The following ADGRL3 variants were observed in gnomAD, a reference collection of about 807,000 sequenced individuals.
ADGRL3 encodes adhesion G protein-coupled receptor L3, also known as calcium-independent alpha-latrotoxin receptor 3.
ADGRL3 carries 62 observed loss-of-function variants against 153.5 expected under a neutral mutation model. The ratio of observed to expected loss-of-function variants is 0.40; its 90% CI spans 0.33 to 0.50. ADGRL3 has a LOEUF of 0.50. Ranked by LOEUF, ADGRL3 falls within the 20% of genes least tolerant of loss-of-function variation. The probability of loss-of-function intolerance (pLI) is 0.47; values close to 1 mark genes in which losing one functional copy is unlikely to be tolerated. For synonymous variants in ADGRL3, 710 were observed against 672.5 expected (o/e 1.06, Z -0.86); for missense variants, 1,641 against 1,859.4 (o/e 0.88, Z 2.16).
At chr4:61,514,534 C>T (rs968013228) in intron 3 of ADGRL3, among the ~76,000 whole-genome samples, 52 of 152,110 alleles carry the variant, frequency 3.4e-4, no homozygotes, top group African/African-American at 1.3e-3. Context: ...CAAAAGTTGA[C>T]ATTTTGGCTC....
intron 9 of ADGRL3, among the ~76,000 whole-genome samples, chr4:61,889,300 G>A (rs999258524): frequency 6.6e-6 from 1 of 152,232 alleles, no homozygotes; most frequent in Non-Finnish European, 1.5e-5. Flanking sequence ...ACACATTGCA[G>A]GATGTGCAAA....
chr4:61,536,030 G>A (rs2098653785), intron 4 of ADGRL3, among the ~76,000 whole-genome samples: 1 of 151,968 alleles, frequency 6.6e-6, no homozygotes, highest in South Asian at 2.1e-4. Flanking sequence ...TAGGCAATTA[G>A]CACTATAAAC....
Position 61,676,869 on chromosome 4 carries a change from G to GTTT in ADGRL3, c.520_522dup (p.Phe174dup). 6.2e-7 allele frequency: 1 copy of GTTT among 1,612,240 alleles called. No individual in the cohort carries two copies. Among genetic ancestry groups the GTTT allele is most frequent in the Non-Finnish European group, 8.5e-7 (1 of 1,178,680 alleles). On this transcript the variant is annotated inframe_insertion, in exon 6 of 27. Coordinates refer to ENST00000683033, the MANE Select transcript of ADGRL3 (RefSeq NM_001387552.1). Reference sequence around the variant, plus strand: ...GTGTGCAGTGGTGGCAGGTCCTGATGTTTTTCCAGACCCGTGTCCAGGAAC... The same window carrying GTTT: ...GTGTGCAGTGGTGGCAGGTCCTGATGTTTTTTTTCCAGACCCGTGTCCAGGAAC...
intron 4 of ADGRL3, among the ~76,000 whole-genome samples, chr4:61,549,865 T>C (rs1035140273): frequency 4.6e-5 from 7 of 152,110 alleles, no homozygotes; most frequent in Admixed American, 6.6e-5. Context: ...AGGGATAAGA[T>C]TTTTCTTTCA....
At chr4:61,539,343 C>A (rs1389902832) in intron 4 of ADGRL3, among the ~76,000 whole-genome samples, 5 of 152,200 alleles carry the variant, frequency 3.3e-5, no homozygotes, top group African/African-American at 1.2e-4. Flanking sequence ...GCCTTCTCTC[C>A]ACGCCTATTC....
At chr4:61,890,922 T>C (rs2098577208) in intron 9 of ADGRL3, among the ~76,000 whole-genome samples, 1 of 152,170 alleles carries the variant, frequency 6.6e-6, no homozygotes, top group Non-Finnish European at 1.5e-5. Context: ...TAATGTTTTC[T>C]TTTTAAAACA....
chr4:61,359,826 A>G (rs2096254666), intron 1 of ADGRL3, among the ~76,000 whole-genome samples: 1 of 152,216 alleles, frequency 6.6e-6, no homozygotes, highest in Non-Finnish European at 1.5e-5. Flanking sequence ...ACATGGAAAC[A>G]GCTCAATACA....
Position 61,587,050 on chromosome 4 carries a change from A to G in ADGRL3, c.260-177A>G, listed in dbSNP as rs191162541. 4.7e-3 allele frequency among the ~76,000 whole-genome samples: 717 copies of G among 152,252 alleles called. 6 individuals are homozygous for G. The highest frequency in any genetic ancestry group is 7.3e-3 in the Admixed American group (111 of 15,266). On this transcript the variant is annotated intron_variant, in intron 4 of 26. Transcript: ENST00000683033. ...ATAACTGTTTCTGTTAGATTAGAAGAAAAATATTTATAAAGTTACTGAAGA... is the reference window on the plus strand; with the variant it reads ...ATAACTGTTTCTGTTAGATTAGAAGGAAAATATTTATAAAGTTACTGAAGA...
At chr4:61,603,717 A>AGT (rs1553977286) in intron 5 of ADGRL3, among the ~76,000 whole-genome samples, 3 of 146,182 alleles carry the variant, frequency 2.1e-5, no homozygotes, top group South Asian at 4.2e-4. Context: ...CATCCCTCTT[A>AGT]GTGTGTGTGT....
chr4:61,909,711 G>T lies in ADGRL3; in HGVS notation c.2039G>T (p.Gly680Val). The T allele has an allele frequency of 6.3e-7, 1 of 1,575,690 alleles. No homozygotes were observed. Among genetic ancestry groups the T allele is most frequent in the South Asian group, 1.2e-5 (1 of 86,114 alleles). ...GTACAGCTTCGGAACTTGACCCCAG[G>T]TGGAAAAGATAGTGCTGCCCGGAGT... ...LDVQLRNLTP[G>V]GKDSAARSLN... Residue 680 changes from glycine to valine, a missense_variant, in exon 12 of 27, where the codon GGT becomes GTT. Around this residue, in one of 5 missense-constraint regions of ADGRL3, gnomAD observed 734 missense variants for 797.0 expected, o/e 0.92. Coordinates refer to ENST00000683033, the MANE Select transcript of ADGRL3 (RefSeq NM_001387552.1).
intron 1 of ADGRL3, among the ~76,000 whole-genome samples, chr4:61,367,011 T>C (rs974953277): frequency 6.6e-6 from 1 of 152,186 alleles, no homozygotes; most frequent in African/African-American, 2.4e-5. Flanking sequence ...AAAATGATTG[T>C]AAACAATGTT....
chr4:61,936,844 G>A (rs1480271544), intron 15 of ADGRL3, among the ~76,000 whole-genome samples: 1 of 145,860 alleles, frequency 6.9e-6, no homozygotes, highest in Non-Finnish European at 1.5e-5. Context: ...CCAAGAAAGG[G>A]AGATCATTTA....
At chr4:61,653,217 T>C (rs1434618184) in intron 5 of ADGRL3, among the ~76,000 whole-genome samples, 1 of 148,820 alleles carries the variant, frequency 6.7e-6, no homozygotes, top group East Asian at 2.0e-4. Context: ...CAGAGCCATA[T>C]GAGAACATAG....
intron 19 of ADGRL3, among the ~76,000 whole-genome samples, chr4:61,990,330 A>G (rs755309630): frequency 7.2e-5 from 11 of 152,154 alleles, no homozygotes; most frequent in Admixed American, 1.3e-4. Flanking sequence ...TGTCCAGAAT[A>G]GGCGAATCTT....
chr4:61,901,976 A>T (rs779792252), intron 11 of ADGRL3, among the ~76,000 whole-genome samples: 7 of 152,178 alleles, frequency 4.6e-5, no homozygotes, highest in Non-Finnish European at 8.8e-5. Context: ...AAGCTATGAG[A>T]TGTGGAATAA....
intron 6 of ADGRL3, among the ~76,000 whole-genome samples, chr4:61,726,575 G>A (rs923624869): frequency 1.3e-5 from 2 of 152,060 alleles, no homozygotes; most frequent in African/African-American, 4.8e-5. Context: ...TTATGCAACT[G>A]GTTGTGATTA....
chr4:61,697,428 C>T (rs2095662241), intron 6 of ADGRL3, among the ~76,000 whole-genome samples: 1 of 151,740 alleles, frequency 6.6e-6, no homozygotes, highest in Non-Finnish European at 1.5e-5. Context: ...GGAATGGTGG[C>T]AGGTGCCTGT....
chr4:61,548,443 T>C (rs954521696), intron 4 of ADGRL3, among the ~76,000 whole-genome samples: 1 of 152,006 alleles, frequency 6.6e-6, no homozygotes, highest in Non-Finnish European at 1.5e-5. Flanking sequence ...AATCCATCTT[T>C]AGTTGATTTT....
intron 22 of ADGRL3, among the ~76,000 whole-genome samples, chr4:62,029,688 C>T (rs1304777245): frequency 7.1e-6 from 1 of 141,066 alleles, no homozygotes; most frequent in Non-Finnish European, 1.5e-5. Flanking sequence ...CATGCTTCTG[C>T]TTTCCTTCTT....
Sources: allele counts gnomAD v4.1 joint callset (sites outside exome capture counted in the v4.1 genomes callset), GRCh38; gene constraint gnomAD v4.1.1; regional missense constraint gnomAD v4.1.1; transcripts MANE v1.5; gene names NCBI Gene and HGNC (gene_info 2026-07-23, HGNC 2026-07-21).